The following IGSF11 variants were observed in gnomAD, a reference collection of about 807,000 sequenced individuals.
The protein encoded by IGSF11 is immunoglobulin superfamily member 11.
A neutral mutation model predicts 41.0 loss-of-function variants in IGSF11; 22 were observed. That is an observed-to-expected ratio of 0.54 (90% CI 0.38 to 0.77). The LOEUF is 0.77. Among genes scored for constraint, IGSF11 ranks in the 30% least tolerant of loss-of-function variants. IGSF11 has a pLI of 0.00. For synonymous variants in IGSF11, 219 were observed against 201.3 expected, an observed-to-expected ratio of 1.09 and a Z score of -0.74; for missense variants, 444 against 530.8, an observed-to-expected ratio of 0.84 and a Z score of 1.61.
intron 1 of IGSF11, among the ~76,000 whole-genome samples, chr3:118,955,460 T>C (rs946885180): frequency 6.6e-6 from 1 of 152,078 alleles, no homozygotes; most frequent in Non-Finnish European, 1.5e-5. Context: ...GGTATTAAAG[T>C]CTTTGAACAA....
intron 1 of IGSF11, among the ~76,000 whole-genome samples, chr3:118,994,349 G>C (rs577325547): frequency 1.5e-4 from 23 of 152,254 alleles, no homozygotes; most frequent in African/African-American, 5.5e-4. Context: ...ACTACCTCTA[G>C]AATACAAAGA....
At chr3:119,097,914 C>G (rs908048981) in intron 1 of IGSF11, among the ~76,000 whole-genome samples, 1 of 150,532 alleles carries the variant, frequency 6.6e-6, no homozygotes, top group Admixed American at 6.7e-5. Flanking sequence ...CCTCAGCCTC[C>G]CAAGTAGCTA....
chr3:119,006,301 G>GT (rs1214165670), intron 1 of IGSF11, among the ~76,000 whole-genome samples: 3 of 106,334 alleles, frequency 2.8e-5, no homozygotes, highest in Non-Finnish European at 5.2e-5. Context: ...TCGAGCCTTG[G>GT]TTTTCAGCTC....
At chr3:118,996,512 T>A (rs943176289) in intron 1 of IGSF11, among the ~76,000 whole-genome samples, 2 of 152,218 alleles carry the variant, frequency 1.3e-5, no homozygotes, top group African/African-American at 4.8e-5. Flanking sequence ...CAAACCATTC[T>A]ACACACAACA....
exon 1 of IGSF11, chr3:119,105,192 T>C: frequency 1.3e-6 from 2 of 1,598,476 alleles, no homozygotes; most frequent in African/African-American, 1.4e-5. Flanking sequence ...ACCAGAGACA[T>C]TTATTCTTCT....
At chr3:119,132,616 A>G (rs532502943) in intron 1 of IGSF11, among the ~76,000 whole-genome samples, 177 of 152,268 alleles carry the variant, frequency 1.2e-3, no homozygotes, top group African/African-American at 4.2e-3. Context: ...CCCGCATAAT[A>G]ATAATGGGAG....
rs553288922 is a variant in IGSF11 at position 119,008,266 on chromosome 3, T to C, written c.52+26265A>G. Among the ~76,000 whole-genome samples, 76 of 152,294 alleles carry C rather than the reference T, an allele frequency of 5.0e-4. 1 individual carries two copies. In the South Asian group the frequency reaches 0.015, roughly 29 times the overall value. Reference sequence around the variant, plus strand: ...TGTCTAAAATAGAAGTCAACGGGAATATACCAAGAGATCATCCAAAACCCA... The same window carrying C: ...TGTCTAAAATAGAAGTCAACGGGAACATACCAAGAGATCATCCAAAACCCA... On this transcript the variant is annotated intron_variant, in intron 1 of 6. Coordinates refer to ENST00000393775, the MANE Select transcript of IGSF11 (RefSeq NM_001015887.3).
At chr3:118,922,535 C>A (rs1041577071) in intron 4 of IGSF11, among the ~76,000 whole-genome samples, 1 of 151,980 alleles carries the variant, frequency 6.6e-6, no homozygotes, top group African/African-American at 2.4e-5. Context: ...TTTATTCATC[C>A]TGAATAACTG....
At chr3:118,935,131 T>C (rs547823822) in intron 1 of IGSF11, among the ~76,000 whole-genome samples, 52 of 151,496 alleles carry the variant, frequency 3.4e-4, no homozygotes, top group Middle Eastern at 6.8e-3. Context: ...ATTAGTATAC[T>C]GTATGGTCTA....
intron 1 of IGSF11, among the ~76,000 whole-genome samples, chr3:118,943,391 TA>T (rs1277762484): frequency 6.6e-6 from 1 of 152,200 alleles, no homozygotes; most frequent in East Asian, 1.9e-4. Context: ...ATAAGGACTT[TA>T]AAAAAGATCT....
chr3:118,958,099 T>G lies in IGSF11; in HGVS notation c.53-27824A>C, dbSNP rs1361225389. Among the ~76,000 whole-genome samples, 3 of 152,220 alleles carry G rather than the reference T, an allele frequency of 2.0e-5. 1 individual carries two copies. The highest frequency in any genetic ancestry group is 2.0e-4 in the Admixed American group (3 of 15,288). On this transcript the variant is annotated intron_variant, in intron 1 of 6. Coordinates refer to ENST00000393775, the MANE Select transcript of IGSF11 (RefSeq NM_001015887.3). Reference sequence around the variant, plus strand: ...TTAACAGTGCCTATTCTAGAATCACTTGAAAATCACCTTTTTTCTTCTGTT... The same window carrying G: ...TTAACAGTGCCTATTCTAGAATCACGTGAAAATCACCTTTTTTCTTCTGTT...
intron 1 of IGSF11, among the ~76,000 whole-genome samples, chr3:119,144,993 T>A (rs1429627852): frequency 1.3e-5 from 2 of 152,200 alleles, no homozygotes; most frequent in Admixed American, 6.5e-5. Flanking sequence ...GTCATGCATT[T>A]TTAAATAAAT....
chr3:118,956,383 A>G (rs1014359405), intron 1 of IGSF11, among the ~76,000 whole-genome samples: 5 of 152,198 alleles, frequency 3.3e-5, no homozygotes, highest in African/African-American at 7.2e-5. Flanking sequence ...CTTTTGGCCT[A>G]TCTAGGCTTT....
chr3:119,021,489 A>G (rs1015685107), intron 1 of IGSF11, among the ~76,000 whole-genome samples: 2 of 152,140 alleles, frequency 1.3e-5, no homozygotes, highest in South Asian at 2.1e-4. Flanking sequence ...TTATTTATTA[A>G]TAAGAGTTTA....
chr3:119,079,655 G>C (rs2076557270), intron 1 of IGSF11, among the ~76,000 whole-genome samples: 1 of 152,168 alleles, frequency 6.6e-6, no homozygotes, highest in Non-Finnish European at 1.5e-5. Context: ...ATGGTGGGCT[G>C]GATAAACAAA....
chr3:118,912,791 C>G (rs1306375438), intron 4 of IGSF11, among the ~76,000 whole-genome samples: 2 of 152,070 alleles, frequency 1.3e-5, no homozygotes, highest in African/African-American at 4.8e-5. Context: ...TAAACATATA[C>G]AGAATAGTCA....
At chr3:118,948,990 C>T (rs1264536517) in intron 1 of IGSF11, among the ~76,000 whole-genome samples, 1 of 142,262 alleles carries the variant, frequency 7.0e-6, no homozygotes. Flanking sequence ...AAAAAAAAAG[C>T]AAGCAAACAT....
chr3:119,097,454 C>T (rs1329506410), intron 1 of IGSF11, among the ~76,000 whole-genome samples: 1 of 147,390 alleles, frequency 6.8e-6, no homozygotes, highest in African/African-American at 2.7e-5. Flanking sequence ...ATGGAGAGCA[C>T]ACATTTCACT....
At position 119,088,366 on chromosome 3, in the gene IGSF11, C is replaced by T. The variant is rs888330688; in HGVS notation, c.49+16778G>A. Among the ~76,000 whole-genome samples, 5 of 152,040 alleles carry T rather than the reference C, an allele frequency of 3.3e-5. 1 individual carries two copies. The highest frequency in any genetic ancestry group is 3.9e-4 in the East Asian group (2 of 5,168). On this transcript the variant is annotated intron_variant, in intron 1 of 6. Coordinates refer to the IGSF11 transcript ENST00000354673. ...AATTAAGGCAGACATTTTTAAATTC[C>T]TTGAAATTAATGATAATAGACACAC...
Sources: gnomAD v4.1 joint callset for allele counts (sites outside exome capture counted in the v4.1 genomes callset) on GRCh38, gnomAD v4.1.1 for gene constraint, MANE v1.5 for transcripts, NCBI Gene and HGNC (gene_info 2026-07-23, HGNC 2026-07-21) for gene names.